DOCK9: variants seen among roughly 807,000 people sequenced by gnomAD.
DOCK9 encodes dedicator of cytokinesis protein 9.
A neutral mutation model predicts 263.3 loss-of-function variants in DOCK9; 89 were observed. That is an observed-to-expected ratio of 0.34 (90% CI 0.28 to 0.40). DOCK9 has a LOEUF of 0.40. DOCK9 is among the 10% of genes least tolerant of loss of function. DOCK9 has a pLI of 1.00. For synonymous variants in DOCK9, 976 were observed against 973.1 expected (o/e 1.00, Z -0.06); for missense variants, 2,140 against 2,603.4 (o/e 0.82, Z 3.87).
intron 1 of DOCK9, among the ~76,000 whole-genome samples, chr13:98,995,170 C>T (rs923743619): frequency 3.9e-5 from 6 of 152,196 alleles, no homozygotes; most frequent in East Asian, 1.9e-4. Context: ...ACACCGTTCC[C>T]GAGGAAATCT....
chr13:98,895,970 C>A (rs1297433183), intron 15 of DOCK9, among the ~76,000 whole-genome samples: 3 of 152,112 alleles, frequency 2.0e-5, no homozygotes, highest in Non-Finnish European at 4.4e-5. Context: ...GGTCCAGGAA[C>A]CCTGGAAGGC....
At position 99,023,763 on chromosome 13, in the gene DOCK9, G is replaced by C. The variant is rs192791248; in HGVS notation, c.129+62460C>G. On this transcript the variant is annotated intron_variant, in intron 1 of 32. Coordinates refer to the DOCK9 transcript ENST00000427887. ...CGAGGATGGTAACTGGTCTTTTCTC[G>C]TCCTCTCTCCATTGGCCTGTCAGCC... Among the ~76,000 whole-genome samples the C allele has an allele frequency of 2.6e-5, 4 of 152,154 alleles. No individual in the cohort carries two copies. The South Asian group carries it at 6.2e-4, about 24-fold the overall frequency.
chr13:98,875,439 A>G (rs2043677507), intron 27 of DOCK9, among the ~76,000 whole-genome samples: 1 of 152,230 alleles, frequency 6.6e-6, no homozygotes. Flanking sequence ...TAGCTAGAAA[A>G]TGGTTGGAGG....
At chr13:98,832,580 A>C (rs1594466660) in intron 39 of DOCK9, among the ~76,000 whole-genome samples, 1 of 152,232 alleles carries the variant, frequency 6.6e-6, no homozygotes, top group Admixed American at 6.5e-5. Flanking sequence ...CACACAAATT[A>C]AACACTTTGG....
exon 1 of DOCK9, chr13:99,086,284 G>C: frequency 6.7e-7 from 1 of 1,495,702 alleles, no homozygotes; most frequent in Non-Finnish European, 8.9e-7. Context: ...CGCCGTGCCC[G>C]GCTTACTCAG....
chr13:98,816,453 G>C (rs2091860663), intron 45 of DOCK9, among the ~76,000 whole-genome samples: 1 of 152,094 alleles, frequency 6.6e-6, no homozygotes, highest in Non-Finnish European at 1.5e-5. Context: ...TCATTTAACA[G>C]TAGTCAGTGA....
intron 1 of DOCK9, among the ~76,000 whole-genome samples, chr13:98,959,996 C>T (rs1415954384): frequency 1.3e-5 from 2 of 152,100 alleles, no homozygotes; most frequent in Non-Finnish European, 2.9e-5. Flanking sequence ...AACTGATTGG[C>T]CTGAGACATG....
rs983703324 is a variant in DOCK9, at chr13:98,800,341, C to T, written c.5863G>A (p.Glu1955Lys). 17 of 1,612,332 alleles carry T rather than the reference C, an allele frequency of 1.1e-5. No homozygotes were observed. The highest frequency in any genetic ancestry group is 1.2e-5 in the Non-Finnish European group (14 of 1,179,212). Reference protein sequence around the residue: ...AELRQLCSSAEVDMIKLQLKL... With the variant: ...AELRQLCSSAKVDMIKLQLKL... ...AGCTGCAGTTTGATCATGTCCACCT[C>T]GGCCGAGGAGCACAGCTGCCGGAGC... The change falls in exon 50 of 53, where the codon GAG (glutamate) becomes AAG (lysine). Residue 1955 changes from glutamate to lysine, a missense_variant. Physicochemically the swap from Glu to Lys is moderately conservative, Grantham distance 56 (BLOSUM62 1). Transcript: ENST00000682017.
At chr13:99,086,197 C>A in intron 1 of DOCK9, 1 of 1,481,410 alleles carries the variant, frequency 6.8e-7, no homozygotes, top group Non-Finnish European at 8.9e-7. Context: ...CCATCCTCCC[C>A]CGGCCCGCGG....
At chr13:98,967,352 T>C (rs542270075) in intron 1 of DOCK9, among the ~76,000 whole-genome samples, 90 of 152,314 alleles carry the variant, frequency 5.9e-4, no homozygotes, top group African/African-American at 2.1e-3. Context: ...CCCTACAACA[T>C]ACACACCTTG....
intron 36 of DOCK9, 108 bp from the exon 37 acceptor site, chr13:98,848,747 C>G: frequency 8.9e-7 from 1 of 1,127,544 alleles, no homozygotes; most frequent in Non-Finnish European, 1.3e-6. Flanking sequence ...TGTCTAGTAC[C>G]AGCATAAGTC....
rs1190310217 is a variant in DOCK9, at chr13:99,073,575, T to C, written c.129+12648A>G. On this transcript the variant is annotated intron_variant, in intron 1 of 32. Transcript: ENST00000427887. ...CTTATACAATGAACAGACTGGCAGC[T>C]GGCATTGATCTTTTCCCTTTAAGGC... Among the ~76,000 whole-genome samples the C allele has an allele frequency of 2.6e-5, 4 of 152,180 alleles. No homozygotes were observed. The East Asian group carries it at 5.8e-4, about 22-fold the overall frequency.
chr13:98,880,325 C>T (rs1288777373), intron 26 of DOCK9, among the ~76,000 whole-genome samples: 1 of 151,978 alleles, frequency 6.6e-6, no homozygotes. Flanking sequence ...CTGATTTGAA[C>T]ATAATGACTA....
chr13:98,968,392 A>T (rs9517516), intron 1 of DOCK9, among the ~76,000 whole-genome samples: 1 of 152,012 alleles, frequency 6.6e-6, no homozygotes. Flanking sequence ...AAGCTGAGGC[A>T]GGGGTATCAC....
chr13:98,913,334 C>T (rs2050364064), intron 9 of DOCK9, among the ~76,000 whole-genome samples: 1 of 152,032 alleles, frequency 6.6e-6, no homozygotes, highest in African/African-American at 2.4e-5. Context: ...CTAGAGAAGA[C>T]AAAGATATTT....
intron 9 of DOCK9, 60 bp from the exon 10 acceptor site, chr13:98,904,766 A>C: frequency 7.0e-7 from 1 of 1,429,726 alleles, no homozygotes; most frequent in Non-Finnish European, 9.5e-7. Flanking sequence ...AAAGGTGCCC[A>C]AATACATTTA....
At chr13:98,878,706 C>G (rs73556958) in intron 27 of DOCK9, among the ~76,000 whole-genome samples, 3 of 152,148 alleles carry the variant, frequency 2.0e-5, no homozygotes, top group African/African-American at 4.8e-5. Flanking sequence ...ATCAGAAGCT[C>G]TAAACTGGAT....
chr13:98,974,355 T>G (rs1004319161), intron 1 of DOCK9, among the ~76,000 whole-genome samples: 2 of 152,176 alleles, frequency 1.3e-5, no homozygotes, highest in African/African-American at 4.8e-5. Flanking sequence ...CCTCACTTAC[T>G]GTCACAATGC....
intron 38 of DOCK9, among the ~76,000 whole-genome samples, chr13:98,845,636 T>C (rs946833069): frequency 6.6e-6 from 1 of 152,192 alleles, no homozygotes; most frequent in African/African-American, 2.4e-5. Flanking sequence ...TTTAGAATTC[T>C]TGAGAACGGC....
Sources: allele counts gnomAD v4.1 joint callset (sites outside exome capture counted in the v4.1 genomes callset), GRCh38; gene constraint gnomAD v4.1.1; transcripts MANE v1.5; gene names NCBI Gene and HGNC (gene_info 2026-07-23, HGNC 2026-07-21).